The following DTD1 variants were observed in gnomAD, a reference collection of about 807,000 sequenced individuals.
DTD1 encodes the protein D-aminoacyl-tRNA deacylase 1.
DTD1 carries 13 observed loss-of-function variants against 25.6 expected under a neutral mutation model. The ratio of observed to expected loss-of-function variants is 0.51; its 90% confidence interval spans 0.33 to 0.81. The LOEUF (loss-of-function observed/expected upper bound fraction) is 0.81, where lower values mean the gene tolerates loss of function less well. Ranked by LOEUF, DTD1 falls within the 30% of genes least tolerant of loss-of-function variation. The probability of loss-of-function intolerance (pLI) is 0.02; values close to 1 mark genes in which losing one functional copy is unlikely to be tolerated. For missense variants in DTD1, 193 were observed against 266.4 expected (o/e 0.72, Z 1.92); for synonymous variants, 110 against 103.6 (o/e 1.06, Z -0.37).
chr20:18,751,064 C>CGTGTGTGT lies in DTD1; in HGVS notation c.*19+6807_*19+6814dup, dbSNP rs144204072. On this transcript the variant is annotated intron_variant, in intron 5 of 5. Transcript: ENST00000377452. ...CTTCTTCCTAATGAGCTACAGCAGCCGTGTGTGTGTGTGTGTGTGTGGGTG... is the reference window on the plus strand; with the variant it reads ...CTTCTTCCTAATGAGCTACAGCAGCCGTGTGTGTGTGTGTGTGTGTGTGTGTGTGGGTG... 4.1e-3 allele frequency among the ~76,000 whole-genome samples: 617 copies of CGTGTGTGT among 150,286 alleles called. 2 individuals carry two copies. The highest frequency in any genetic ancestry group is 5.4e-3 in the Non-Finnish European group (366 of 67,546).
chr20:18,652,123 G>A (rs1409814039), intron 4 of DTD1, among the ~76,000 whole-genome samples: 1 of 152,206 alleles, frequency 6.6e-6, no homozygotes, highest in African/African-American at 2.4e-5. Context: ...ACGTGGAACT[G>A]TCTGCAGTGG....
chr20:18,750,581 G>A (rs1042594687), intron 5 of DTD1, among the ~76,000 whole-genome samples: 1 of 152,182 alleles, frequency 6.6e-6, no homozygotes, highest in Non-Finnish European at 1.5e-5. Context: ...TGGTTCAGAG[G>A]ACATTTCCAG....
At chr20:18,728,222 G>A (rs546925262) in intron 4 of DTD1, among the ~76,000 whole-genome samples, 1 of 152,336 alleles carries the variant, frequency 6.6e-6, no homozygotes, top group East Asian at 1.9e-4. Flanking sequence ...TGGGCAATGG[G>A]CTAGCTAAAA....
chr20:18,645,167 GA>G (rs1300176266), intron 4 of DTD1, among the ~76,000 whole-genome samples: 1 of 152,060 alleles, frequency 6.6e-6, no homozygotes, highest in Non-Finnish European at 1.5e-5. Flanking sequence ...ACCGATCAAT[GA>G]ATCAATCAAT....
chr20:18,685,248 A>T (rs1228097940), intron 4 of DTD1, among the ~76,000 whole-genome samples: 1 of 152,180 alleles, frequency 6.6e-6, no homozygotes, highest in East Asian at 1.9e-4. Flanking sequence ...GGCTCCAGAG[A>T]TCAGCTCACA....
rs73899876 is a variant in DTD1 at position 18,729,893 on chromosome 20, G to A, written c.478-14207G>A. On this transcript the variant is annotated intron_variant, in intron 4 of 5. Transcript: ENST00000377452. ...CCCTTCTTCCTTCTCTCTCTGAGTG[G>A]CTTCTATTGCACATGTGTGTCCCTA... Among the ~76,000 whole-genome samples, 259 of 151,970 alleles carry A rather than the reference G, an allele frequency of 1.7e-3. 2 individuals are homozygous for A. Among genetic ancestry groups the A allele is most frequent in the African/African-American group, 5.7e-3 (236 of 41,412 alleles).
chr20:18,708,264 TTTATATATATATAATATATA>T lies in DTD1; in HGVS notation c.478-35814_478-35795del, dbSNP rs1568676850. On this transcript the variant is annotated intron_variant, in intron 4 of 5. Coordinates refer to ENST00000377452, the MANE Select transcript of DTD1 (RefSeq NM_080820.6). The stretch of plus-strand genomic sequence containing the variant: ...TATATAATATATATTATATATATAT[TTTATATATATATAATATATA>T]TTATATATATATAATATATATATTT... Among the ~76,000 whole-genome samples the T allele has an allele frequency of 5.5e-3, 86 of 15,652 alleles. 1 individual carries two copies. The highest frequency in any genetic ancestry group is 0.024 in the African/African-American group (83 of 3,530). 10.3% of individuals were successfully genotyped at this position (15,652 alleles called of 152,430 possible).
At chr20:18,760,619 G>C (rs183648423) in intron 5 of DTD1, among the ~76,000 whole-genome samples, 6 of 152,278 alleles carry the variant, frequency 3.9e-5, no homozygotes, top group Admixed American at 3.9e-4. Flanking sequence ...GGAGTACCCG[G>C]CCGTGTGAGG....
rs547543559 is a variant in DTD1, at chr20:18,663,905, T to C, written c.477+35672T>C. On this transcript the variant is annotated intron_variant, in intron 4 of 5. Transcript: ENST00000377452. ...AACAGCGTGGGGGAAAGTGCCCCCA[T>C]GATTCAGTTACCTCCCACTGGGTCC... is the stretch of plus-strand genomic sequence containing the variant. 3.3e-5 allele frequency among the ~76,000 whole-genome samples: 5 copies of C among 152,304 alleles called. No individual in the cohort carries two copies. The South Asian group carries it at 1.0e-3, about 32-fold the overall frequency.
chr20:18,708,287 A>T lies in DTD1; in HGVS notation c.478-35813A>T, dbSNP rs1168949523. On this transcript the variant is annotated intron_variant, in intron 4 of 5. Transcript: ENST00000377452. ...ATTTTATATATATATAATATATATTATATATATATAATATATATATTTTAT... is the reference window on the plus strand; with the variant it reads ...ATTTTATATATATATAATATATATTTTATATATATAATATATATATTTTAT... 4.9e-4 allele frequency among the ~76,000 whole-genome samples: 9 copies of T among 18,520 alleles called. 2 individuals carry two copies. Among genetic ancestry groups the T allele is most frequent in the Non-Finnish European group, 1.0e-3 (8 of 7,826 alleles). The allele number at this position is 18,520 out of a possible 152,430, so 12.1% of individuals were successfully genotyped here.
chr20:18,719,463 G>T (rs1288420836), intron 4 of DTD1, among the ~76,000 whole-genome samples: 1 of 152,232 alleles, frequency 6.6e-6, no homozygotes, highest in Non-Finnish European at 1.5e-5. Context: ...AGTTGGAGTG[G>T]CTGGAATGGC....
intron 4 of DTD1, among the ~76,000 whole-genome samples, chr20:18,673,691 A>C (rs146570622): frequency 1.7e-4 from 26 of 152,286 alleles, no homozygotes; most frequent in Middle Eastern, 3.4e-3. Flanking sequence ...CCGGGGAACA[A>C]ACACAGAGGT....
chr20:18,663,429 A>G (rs2060919192), intron 4 of DTD1, among the ~76,000 whole-genome samples: 1 of 152,220 alleles, frequency 6.6e-6, no homozygotes, highest in Admixed American at 6.5e-5. Flanking sequence ...ACCAAAATGT[A>G]TGGCTCATTT....
chr20:18,692,012 T>G (rs967083734), intron 4 of DTD1: 2 of 152,120 alleles, frequency 1.3e-5, no homozygotes, highest in African/African-American at 4.8e-5. Flanking sequence ...CCAAAGAGGT[T>G]GTGCCTATGT....
In DTD1 at chr20:18,628,207, G is replaced by T. The variant is rs772516651; in HGVS notation, c.451G>T (p.Gly151Cys). The T allele has an allele frequency of 6.2e-7, 1 of 1,613,596 alleles. No individual in the cohort carries two copies. The highest frequency in any genetic ancestry group is 8.5e-7 in the Non-Finnish European group (1 of 1,179,766). ...CATAGAGCTGGAATCGCCAGCTCCC[G>T]GCACTGCTACCTCTGACCCAAAGCA... Reference protein sequence around the residue: ...VTIELESPAPGTATSDPKQLS... With the variant: ...VTIELESPAPCTATSDPKQLS... Residue 151 changes from glycine to cysteine, a missense_variant, in exon 4 of 6, where the codon GGC (glycine) becomes TGC (cysteine). Gly to Cys is a radical substitution (Grantham distance 159). Transcript: ENST00000377452.
intron 4 of DTD1, among the ~76,000 whole-genome samples, chr20:18,714,332 A>T (rs1388792394): frequency 6.6e-6 from 1 of 152,140 alleles, no homozygotes; most frequent in East Asian, 1.9e-4. Flanking sequence ...GTACTGTTTC[A>T]TCAGGCTTCT....
chr20:18,631,384 C>T (rs1024266238), intron 4 of DTD1: 30 of 985,762 alleles, frequency 3.0e-5, no homozygotes, highest in Non-Finnish European at 3.5e-5. Flanking sequence ...CTAGACTGAC[C>T]TGGGCTTTGG....
intron 4 of DTD1, among the ~76,000 whole-genome samples, chr20:18,697,238 C>A (rs6081306): frequency 0.79 from 118,044 of 148,864 alleles, 47,435 homozygotes; most frequent in Non-Finnish European, 0.89. Context: ...TCTCAAAAAA[C>A]AAAAAAAATT....
intron 5 of DTD1, among the ~76,000 whole-genome samples, 185 bp from the exon 6 acceptor site, chr20:18,763,175 A>G (rs1207579304): frequency 6.6e-6 from 1 of 152,146 alleles, no homozygotes; most frequent in Non-Finnish European, 1.5e-5. Flanking sequence ...AGGAGAAGGT[A>G]TTTGGGTTTG....
Sources: gnomAD v4.1 joint callset for allele counts (sites outside exome capture counted in the v4.1 genomes callset) on GRCh38, gnomAD v4.1.1 for gene constraint, MANE v1.5 for transcripts, NCBI Gene and HGNC (gene_info 2026-07-23, HGNC 2026-07-21) for gene names.